The following MLNR variants were observed in gnomAD, a reference collection of about 807,000 sequenced individuals.
MLNR encodes the protein G protein-coupled receptor 38.
A neutral mutation model predicts 20.0 loss-of-function variants in MLNR; 16 were observed. That is an observed-to-expected ratio of 0.80 (90% confidence interval 0.54 to 1.22). The LOEUF (loss-of-function observed/expected upper bound fraction) is 1.22, where lower values mean the gene tolerates loss of function less well. Ranked by LOEUF, MLNR falls within the 50% of genes most tolerant of loss-of-function variation. The probability of loss-of-function intolerance (pLI) is 0.00; values close to 1 mark genes in which losing one functional copy is unlikely to be tolerated. For missense variants in MLNR, 630 were observed against 592.3 expected, an observed-to-expected ratio of 1.06 and a Z score of -0.66; for synonymous variants, 302 against 287.2, an observed-to-expected ratio of 1.05 and a Z score of -0.52.
chr13:49,220,522 T>C lies in MLNR; in HGVS notation c.185T>C (p.Leu62Pro), dbSNP rs201205389. 2 of 1,609,002 alleles carry C rather than the reference T, an allele frequency of 1.2e-6. No homozygotes were observed. The highest frequency in any genetic ancestry group is 1.1e-5 in the South Asian group (1 of 90,218). ...AGCGGCAACGTGGTGACCGTGATGC[T>C]GATCGGGCGCTACCGGGACATGCGG... is the stretch of plus-strand genomic sequence containing the variant. ...GVSGNVVTVM[L>P]IGRYRDMRTT... The change falls in exon 1 of 2, where the codon CTG (leucine) becomes CCG (proline). Residue 62 changes from leucine (L) to proline (P), a missense_variant. Transcript: ENST00000218721. The surrounding 1 kb of genome is among the most constrained non-coding windows in gnomAD (Gnocchi z 4.4).
Position 49,220,492 on chromosome 13 carries a change from G to A in MLNR, c.155G>A (p.Gly52Glu). 2 of 1,595,314 alleles carry A rather than the reference G, an allele frequency of 1.3e-6. No homozygotes were observed. Among genetic ancestry groups the A allele is most frequent in the Non-Finnish European group, 1.7e-6 (2 of 1,171,852 alleles). ...GTGTGCCTGTGCCTGTTCGTCGTCG[G>A]GGTGAGCGGCAACGTGGTGACCGTG... is the stretch of plus-strand genomic sequence containing the variant. ...TAVCLCLFVV[G>E]VSGNVVTVML... The change falls in exon 1 of 2, where the codon GGG (glycine) becomes GAG (glutamate). Residue 52 changes from glycine (G) to glutamate (E), a missense_variant. Physicochemically the swap from Gly to Glu is moderately conservative, Grantham distance 98. Coordinates refer to ENST00000218721, the MANE Select transcript of MLNR (RefSeq NM_001507.1). This position sits in a 1 kb window ranked among gnomAD's most constrained non-coding sequence, Gnocchi z 4.4.
rs1886991913 is a variant in MLNR, at chr13:49,220,696, G to C, written c.359G>C (p.Gly120Ala). ...CGCCTGTCCCTCTACGTGGGCGAGG[G>C]CTGCACCTACGCCACGCTGCTGCAC... ...LCRLSLYVGE[G>A]CTYATLLHMT... is the part of the protein sequence containing the mutation. The change falls in exon 1 of 2, where the codon GGC becomes GCC. Residue 120 changes from glycine to alanine, a missense_variant. Physicochemically the swap from Gly to Ala is moderately conservative, Grantham distance 60 (BLOSUM62 0). Coordinates refer to ENST00000218721, the MANE Select transcript of MLNR (RefSeq NM_001507.1). The surrounding 1 kb of genome is among the most constrained non-coding windows in gnomAD (Gnocchi z 4.4). The C allele has an allele frequency of 1.3e-6, 2 of 1,599,228 alleles. No individual in the cohort carries two copies. The highest frequency in any genetic ancestry group is 2.3e-5 in the East Asian group (1 of 43,822).
chr13:49,220,373 G>T lies in MLNR; in HGVS notation c.36G>T (p.Glu12Asp). Residue 12 changes from glutamate to aspartate, a missense_variant, in exon 1 of 2, where the codon GAG becomes GAT. By Grantham distance (45) the Glu-to-Asp change is conservative (BLOSUM62 2). Coordinates refer to ENST00000218721, the MANE Select transcript of MLNR (RefSeq NM_001507.1). The surrounding 1 kb of genome is among the most constrained non-coding windows in gnomAD (Gnocchi z 4.4). ...GSPWNGSDGP[E>D]GAREPPWPAL... The stretch of plus-strand genomic sequence containing the variant: ...CCTGGAACGGCAGCGACGGCCCCGA[G>T]GGGGCGCGGGAGCCGCCGTGGCCCG... 1.4e-6 allele frequency: 2 copies of T among 1,445,052 alleles called. No individual in the cohort carries two copies. The highest frequency in any genetic ancestry group is 9.0e-7 in the Non-Finnish European group (1 of 1,107,966). 89.5% of individuals were successfully genotyped at this position (1,445,052 alleles called of 1,614,324 possible). A position where few individuals can be genotyped will look rare whatever the true frequency, so the allele number is the denominator to read the frequency against.
intron 1 of MLNR, 32 bp downstream of exon 1, chr13:49,221,270 C>G (rs1420703390): frequency 6.5e-7 from 1 of 1,542,660 alleles, no homozygotes; most frequent in South Asian, 1.2e-5. Context: ...CCAAAGACGC[C>G]TGCCTGCAGT....
At position 49,220,667 on chromosome 13, in the gene MLNR, C is replaced by G; in HGVS notation, c.330C>G (p.Leu110=). 1 of 1,606,816 alleles carries G rather than the reference C, an allele frequency of 6.2e-7. No homozygotes were observed. Among genetic ancestry groups the G allele is most frequent in the Non-Finnish European group, 8.5e-7 (1 of 1,177,550 alleles). ...RSRPWVFGPL[L]CRLSLYVGEG... ...GGCCCTGGGTGTTCGGGCCGCTGCT[C>G]TGCCGCCTGTCCCTCTACGTGGGCG... Residue 110 remains leucine, a synonymous_variant, in exon 1 of 2, where the codon CTC becomes CTG. Coordinates refer to ENST00000218721, the MANE Select transcript of MLNR (RefSeq NM_001507.1). This position sits in a 1 kb window ranked among gnomAD's most constrained non-coding sequence, Gnocchi z 4.4.
Position 49,220,604 on chromosome 13 carries a change from C to G in MLNR, c.267C>G (p.Leu89=). The change falls in exon 1 of 2, where the codon CTC becomes CTG. Residue 89 remains leucine (L), a synonymous_variant. Coordinates refer to ENST00000218721, the MANE Select transcript of MLNR (RefSeq NM_001507.1). The surrounding 1 kb of genome is among the most constrained non-coding windows in gnomAD (Gnocchi z 4.4). ...SMAVSDLLIL[L]GLPFDLYRLW... The stretch of plus-strand genomic sequence containing the variant: ...CCGTGTCCGACCTACTCATCCTGCT[C>G]GGGCTGCCGTTCGACCTGTACCGCC... 1 of 1,613,056 alleles carries G rather than the reference C, an allele frequency of 6.2e-7. No homozygotes were observed. Among genetic ancestry groups the G allele is most frequent in the East Asian group, 2.2e-5 (1 of 44,840 alleles).
In MLNR at chr13:49,221,169, C is replaced by T; in HGVS notation, c.832C>T (p.Arg278Trp). 2 of 1,587,328 alleles carry T rather than the reference C, an allele frequency of 1.3e-6. No individual in the cohort carries two copies. Among genetic ancestry groups the T allele is most frequent in the Non-Finnish European group, 1.7e-6 (2 of 1,175,682 alleles). ...CATCGGGCGGGAGCTGTGGAGCAGC[C>T]GGCGGCCGCTGCGAGGCCCGGCCGC... The part of the protein sequence containing the change: ...GLIGRELWSS[R>W]RPLRGPAASG... Residue 278 changes from arginine (R) to tryptophan (W), a missense_variant, in exon 1 of 2, where the codon CGG becomes TGG. Arg to Trp is a moderately radical substitution (Grantham distance 101). Transcript: ENST00000218721.
chr13:49,221,786 T>C (rs912387278), intron 1 of MLNR, among the ~76,000 whole-genome samples: 1 of 152,246 alleles, frequency 6.6e-6, no homozygotes, highest in African/African-American at 2.4e-5. Context: ...GGCGGCTTGT[T>C]CAGAGAAATT....
Position 49,222,243 on chromosome 13 carries a change from C to A in MLNR, c.1105C>A (p.Leu369Met). The change falls in exon 2 of 2, where the codon CTG becomes ATG. Residue 369 changes from leucine (L) to methionine (M), a missense_variant. Physicochemically the swap from Leu to Met is conservative, Grantham distance 15. Coordinates refer to ENST00000218721, the MANE Select transcript of MLNR (RefSeq NM_001507.1). ...GAAGTACAGAGCGGCGGCCTTTAAA[C>A]TGCTGCTCGCAAGGAAGTCCAGGCC... ...SKKYRAAAFK[L>M]LLARKSRPRG... is the part of the protein sequence containing the mutation. 1 of 1,614,058 alleles carries A rather than the reference C, an allele frequency of 6.2e-7. No homozygotes were observed. Among genetic ancestry groups the A allele is most frequent in the Non-Finnish European group, 8.5e-7 (1 of 1,180,014 alleles).
chr13:49,220,874 C>G lies in MLNR; in HGVS notation c.537C>G (p.Val179=). The change falls in exon 1 of 2, where the codon GTC becomes GTG. Residue 179 remains valine (V), a synonymous_variant. Coordinates refer to ENST00000218721, the MANE Select transcript of MLNR (RefSeq NM_001507.1). This position sits in a 1 kb window ranked among gnomAD's most constrained non-coding sequence, Gnocchi z 4.4. ...GTCCCTTCTTGTTCCTGGTGGGCGT[C>G]GAGCAGGACCCCGGCATCTCCGTAG... The part of the protein sequence containing the change: ...SAGPFLFLVG[V]EQDPGISVVP... 1 of 1,570,536 alleles carries G rather than the reference C, an allele frequency of 6.4e-7. No homozygotes were observed. The highest frequency in any genetic ancestry group is 8.6e-7 in the Non-Finnish European group (1 of 1,160,338).
At position 49,221,098 on chromosome 13, in the gene MLNR, CCTA is replaced by C. The variant is rs778869981; in HGVS notation, c.764_766del (p.Tyr255del). Reference sequence around the variant, plus strand: ...CGTGTCATGCTGTGGGTCACCACCGCCTACTTCTTCCTGCCCTTTCTGTGCCTC... The same window carrying C: ...CGTGTCATGCTGTGGGTCACCACCGCCTTCTTCCTGCCCTTTCTGTGCCTC... On this transcript the variant is annotated inframe_deletion, in exon 1 of 2. Transcript: ENST00000218721. The C allele has an allele frequency of 5.0e-6, 8 of 1,590,704 alleles. No individual in the cohort carries two copies. Among genetic ancestry groups the C allele is most frequent in the Non-Finnish European group, 6.8e-6 (8 of 1,176,786 alleles).
At chr13:49,221,868 C>T (rs1433823156) in intron 1 of MLNR, among the ~76,000 whole-genome samples, 172 bp from the exon 2 acceptor site, 1 of 152,210 alleles carries the variant, frequency 6.6e-6, no homozygotes, top group Non-Finnish European at 1.5e-5. Context: ...AGCAAGTATC[C>T]ATGCAGCCTG....
At position 49,221,199 on chromosome 13, in the gene MLNR, G is replaced by A. The variant is rs1887006657; in HGVS notation, c.862G>A (p.Gly288Arg). The A allele has an allele frequency of 1.9e-6, 3 of 1,585,978 alleles. No homozygotes were observed. The highest frequency in any genetic ancestry group is 2.6e-6 in the Non-Finnish European group (3 of 1,174,362). ...GCCGCTGCGAGGCCCGGCCGCCTCG[G>A]GGCGGGAGAGAGGCCACCGGCAGAC... The part of the protein sequence containing the change: ...RRPLRGPAAS[G>R]RERGHRQTVR... The change falls in exon 1 of 2, where the codon GGG (glycine) becomes AGG (arginine). Residue 288 changes from glycine (G) to arginine (R), a missense_variant. By Grantham distance (125) the Gly-to-Arg change is moderately radical. Transcript: ENST00000218721.
At chr13:49,221,569 G>A (rs2075610) in intron 1 of MLNR, among the ~76,000 whole-genome samples, 90,670 of 152,096 alleles carry the variant, frequency 0.6, 28,159 homozygotes, top group Non-Finnish European at 0.68. Flanking sequence ...AGATGCCACA[G>A]ATGAGGAGTC....
chr13:49,222,026 G>T lies in MLNR; in HGVS notation c.902-14G>T, dbSNP rs1566340027. 6.2e-7 allele frequency: 1 copy of T among 1,609,190 alleles called. No homozygotes were observed. The highest frequency in any genetic ancestry group is 8.5e-7 in the Non-Finnish European group (1 of 1,176,806). On this transcript the variant is annotated splice_polypyrimidine_tract_variant and intron_variant, in intron 1 of 1. Coordinates refer to ENST00000218721, the MANE Select transcript of MLNR (RefSeq NM_001507.1). ...ATGCTTTTGTTAATCCCGGTGCTGTGTCTTATGTTGCAGTGGTGGTGGTTC... is the reference window on the plus strand; with the variant it reads ...ATGCTTTTGTTAATCCCGGTGCTGTTTCTTATGTTGCAGTGGTGGTGGTTC...
At chr13:49,221,313 C>T (rs960937635) in intron 1 of MLNR, 75 bp downstream of exon 1, 1 of 1,446,570 alleles carries the variant, frequency 6.9e-7, no homozygotes, top group Non-Finnish European at 9.4e-7. Context: ...AACGCTGGGT[C>T]CCCTTCCCCT....
chr13:49,220,918 CCGCGCGGATCGCCTCCT>C lies in MLNR; in HGVS notation c.585_601del (p.Arg196SerfsTer136). The C allele has an allele frequency of 1.9e-6, 3 of 1,546,568 alleles. No homozygotes were observed. The highest frequency in any genetic ancestry group is 1.7e-6 in the Non-Finnish European group (2 of 1,148,730). ...TCCGTAGTCCCGGGCCTCAATGGCA[CCGCGCGGATCGCCTCCT>C]CGCCTCTCGCCTCGTCGCCGCCTCT... On this transcript the variant is annotated frameshift_variant, in exon 1 of 2. Coordinates refer to ENST00000218721, the MANE Select transcript of MLNR (RefSeq NM_001507.1). LOFTEE classifies it high-confidence loss of function. The surrounding 1 kb of genome is among the most constrained non-coding windows in gnomAD (Gnocchi z 4.4).
At position 49,220,767 on chromosome 13, in the gene MLNR, C is replaced by A; in HGVS notation, c.430C>A (p.Leu144Ile). The A allele has an allele frequency of 3.8e-6, 6 of 1,568,152 alleles. No homozygotes were observed. Among genetic ancestry groups the A allele is most frequent in the South Asian group, 1.2e-5 (1 of 86,194 alleles). The stretch of plus-strand genomic sequence containing the variant: ...GCGCTACCTGGCCATCTGCCGCCCG[C>A]TCCGCGCCCGCGTCTTGGTCACCCG... ...VERYLAICRP[L>I]RARVLVTRRR... Residue 144 changes from leucine to isoleucine, a missense_variant, in exon 1 of 2, where the codon CTC becomes ATC. By Grantham distance (5) the Leu-to-Ile change is conservative. Coordinates refer to ENST00000218721, the MANE Select transcript of MLNR (RefSeq NM_001507.1). The surrounding 1 kb of genome is among the most constrained non-coding windows in gnomAD (Gnocchi z 4.4).
chr13:49,221,441 G>C (rs1274942593), intron 1 of MLNR: 3 of 600,818 alleles, frequency 5.0e-6, no homozygotes, highest in East Asian at 6.1e-5. Context: ...GAGCTCTGGG[G>C]GACCCCAGGG....
Sources: allele counts gnomAD v4.1 joint callset (sites outside exome capture counted in the v4.1 genomes callset), GRCh38; gene constraint gnomAD v4.1.1; non-coding constraint Gnocchi (gnomAD v3.1); transcripts MANE v1.5; gene names NCBI Gene and HGNC (gene_info 2026-07-23, HGNC 2026-07-21).